The following PPP1R12B variants were observed in gnomAD, a reference collection of about 807,000 sequenced individuals.
PPP1R12B encodes the protein protein phosphatase 1 regulatory subunit 12B, also known as myosin phosphatase target subunit 2.
Under a neutral mutation model 126.1 loss-of-function variants are expected in PPP1R12B, and 76 were observed. The observed-to-expected ratio is 0.60, with a 90% CI of 0.50 to 0.73. The LOEUF is 0.73. Ranked by LOEUF, PPP1R12B falls within the 30% of genes least tolerant of loss-of-function variation. The pLI, the probability that PPP1R12B is intolerant of heterozygous loss-of-function variation, is 0.00. For missense variants in PPP1R12B, 1,052 were observed against 1,205.1 expected, an observed-to-expected ratio of 0.87 and a Z score of 1.88; for synonymous variants, 356 against 434.7, an observed-to-expected ratio of 0.82 and a Z score of 2.25.
At chr1:202,530,951 A>G (rs551755590) in intron 18 of PPP1R12B, among the ~76,000 whole-genome samples, 2 of 152,334 alleles carry the variant, frequency 1.3e-5, no homozygotes, top group South Asian at 4.1e-4. Context: ...TCTTTACTCT[A>G]AAATGATTCA....
At position 202,583,146 on chromosome 1, in the gene PPP1R12B, A is replaced by G. The variant is rs575773397; in HGVS notation, c.*2586A>G. The G allele has an allele frequency of 6.6e-6, 1 of 152,146 alleles. No individual in the cohort carries two copies. The highest frequency in any genetic ancestry group is 1.5e-5 in the Non-Finnish European group (1 of 68,020). The allele number at this position is 152,146 out of a possible 1,614,324, so 9.4% of individuals were successfully genotyped here. On this transcript the variant is annotated 3_prime_UTR_variant, in exon 24 of 24. Coordinates refer to ENST00000608999, the MANE Select transcript of PPP1R12B (RefSeq NM_002481.4). ...GGAAATCAACATAAGGTGTTGACTA[A>G]TTGATTATCCTGGAACATTTTGAAT...
Position 202,587,855 on chromosome 1 carries a change from GT to G in PPP1R12B, c.*7298del, listed in dbSNP as rs1166309685. 1 of 152,246 alleles carries G rather than the reference GT, an allele frequency of 6.6e-6. No individual in the cohort carries two copies. The highest frequency in any genetic ancestry group is 1.5e-5 in the Non-Finnish European group (1 of 68,074). The allele number at this position is 152,246 out of a possible 1,614,324, so 9.4% of individuals were successfully genotyped here. ...GATGAAGAGAGGTTAGGTAAAGAGAGTTTGGAGGAAAAAAGACACCAGGAGG... is the reference window on the plus strand; with the variant it reads ...GATGAAGAGAGGTTAGGTAAAGAGAGTTGGAGGAAAAAAGACACCAGGAGG... On this transcript the variant is annotated 3_prime_UTR_variant, in exon 24 of 24. Coordinates refer to ENST00000608999, the MANE Select transcript of PPP1R12B (RefSeq NM_002481.4).
chr1:202,505,523 C>G (rs1680710133), intron 18 of PPP1R12B, among the ~76,000 whole-genome samples: 1 of 152,168 alleles, frequency 6.6e-6, no homozygotes, highest in African/African-American at 2.4e-5. Context: ...TCTGTCCACT[C>G]TCCACCACCA....
chr1:202,580,363 C>A, intron 23 of PPP1R12B, 111 bp from the exon 24 acceptor site: 1 of 742,098 alleles, frequency 1.3e-6, no homozygotes, highest in Non-Finnish European at 2.4e-6. Flanking sequence ...AGAGTTTATT[C>A]CACACATTGT....
chr1:202,572,892 A>G (rs1688739645), intron 23 of PPP1R12B, among the ~76,000 whole-genome samples: 1 of 152,048 alleles, frequency 6.6e-6, no homozygotes, highest in South Asian at 2.1e-4. Context: ...CTTGTTTTCA[A>G]TACTGCTTCC....
At chr1:202,556,543 C>T (rs1240468145) in intron 18 of PPP1R12B, among the ~76,000 whole-genome samples, 2 of 151,772 alleles carry the variant, frequency 1.3e-5, no homozygotes, top group Admixed American at 1.3e-4. Flanking sequence ...TCTTTGTTAT[C>T]AGAAAAAAAA....
At chr1:202,379,819 TTCTG>T (rs1209422788) in intron 1 of PPP1R12B, among the ~76,000 whole-genome samples, 1 of 152,196 alleles carries the variant, frequency 6.6e-6, no homozygotes. Context: ...TAAATGCAGA[TTCTG>T]TCTGTTTAAG....
chr1:202,535,465 A>G (rs1684441777), intron 18 of PPP1R12B, among the ~76,000 whole-genome samples: 1 of 152,228 alleles, frequency 6.6e-6, no homozygotes, highest in Admixed American at 6.5e-5. Flanking sequence ...TAGTATTCAC[A>G]TCATGAGACA....
chr1:202,545,809 G>A (rs1362603877), intron 18 of PPP1R12B, among the ~76,000 whole-genome samples: 9 of 152,178 alleles, frequency 5.9e-5, no homozygotes, highest in Non-Finnish European at 1.5e-5. Flanking sequence ...CATTACAAAG[G>A]TAGAAAAAGA....
At chr1:202,372,363 G>T (rs1660436761) in intron 1 of PPP1R12B, among the ~76,000 whole-genome samples, 1 of 151,916 alleles carries the variant, frequency 6.6e-6, no homozygotes, top group Non-Finnish European at 1.5e-5. Context: ...AATTAGCCAG[G>T]TATGGTGGTG....
chr1:202,439,698 G>C (rs925522572), intron 10 of PPP1R12B: 22 of 615,160 alleles, frequency 3.6e-5, no homozygotes, highest in Non-Finnish European at 5.9e-5. Flanking sequence ...AGCAAGGACT[G>C]GGGGTTGTGC....
intron 1 of PPP1R12B, among the ~76,000 whole-genome samples, chr1:202,395,021 G>A (rs1347577802): frequency 4.0e-5 from 6 of 148,210 alleles, no homozygotes; most frequent in Admixed American, 3.5e-4. Flanking sequence ...GGAGGCTGAG[G>A]CATGAGAATT....
At chr1:202,530,286 G>C (rs1043216845) in intron 18 of PPP1R12B, among the ~76,000 whole-genome samples, 4 of 152,034 alleles carry the variant, frequency 2.6e-5, no homozygotes, top group African/African-American at 4.8e-5. Context: ...GACAATCAGT[G>C]TCCCCACATA....
chr1:202,561,024 A>T (rs1687469410), intron 19 of PPP1R12B, among the ~76,000 whole-genome samples: 1 of 147,478 alleles, frequency 6.8e-6, no homozygotes, highest in Admixed American at 6.6e-5. Context: ...ATAAAAAAAT[A>T]AAAATAAAAA....
At chr1:202,430,925 A>C in intron 7 of PPP1R12B, 115 bp downstream of exon 7, 2 of 1,406,222 alleles carry the variant, frequency 1.4e-6, no homozygotes, top group Admixed American at 2.7e-5. Flanking sequence ...CGAGTGATCT[A>C]TAAACTTGTG....
intron 13 of PPP1R12B, chr1:202,473,991 G>A: frequency 1.9e-6 from 1 of 528,842 alleles, no homozygotes. Context: ...TGTCAAAGGG[G>A]GCAGAGGGAA....
intron 18 of PPP1R12B, among the ~76,000 whole-genome samples, chr1:202,557,076 C>T (rs1449214878): frequency 6.6e-6 from 1 of 152,226 alleles, no homozygotes; most frequent in Non-Finnish European, 1.5e-5. Flanking sequence ...CAGCCTCGAC[C>T]TCTTGTGCTC....
rs570273541 is a variant in PPP1R12B, at chr1:202,502,037, T to C, written c.2490+5215T>C. 1.2e-3 allele frequency: 1,178 copies of C among 984,672 alleles called. 2 individuals carry two copies. Among genetic ancestry groups the C allele is most frequent in the Non-Finnish European group, 1.3e-3 (1,114 of 828,830 alleles). 61.0% of individuals were successfully genotyped at this position (984,672 alleles called of 1,614,324 possible). ...AGTTATGTATGTCAGGAAGTAAGAC[T>C]TTTCATACTTTTCTTTTCCCCTAGA... is the stretch of plus-strand genomic sequence containing the variant. On this transcript the variant is annotated intron_variant, in intron 18 of 23. Transcript: ENST00000608999.
At chr1:202,511,337 C>T (rs536470105) in intron 18 of PPP1R12B, among the ~76,000 whole-genome samples, 1 of 152,000 alleles carries the variant, frequency 6.6e-6, no homozygotes, top group East Asian at 1.9e-4. Context: ...CTGCCTCAGC[C>T]TCCTGAGTAG....
Sources: allele counts gnomAD v4.1 joint callset (sites outside exome capture counted in the v4.1 genomes callset), GRCh38; gene constraint gnomAD v4.1.1; transcripts MANE v1.5; gene names NCBI Gene and HGNC (gene_info 2026-07-23, HGNC 2026-07-21).